Variants in HSD11B1 observed in about 807,000 individuals in gnomAD.
HSD11B1 encodes the protein 11-beta-hydroxysteroid dehydrogenase 1.
HSD11B1 carries 15 observed loss-of-function variants against 22.1 expected under a neutral mutation model. The ratio of observed to expected loss-of-function variants is 0.68; its 90% CI spans 0.45 to 1.04. HSD11B1 has a LOEUF of 1.04. Among genes scored for constraint, HSD11B1 ranks in the 50% least tolerant of loss-of-function variants. HSD11B1 has a pLI of 0.00. For synonymous variants in HSD11B1, 122 were observed against 125.2 expected, an observed-to-expected ratio of 0.97 and a Z score of 0.17; for missense variants, 281 against 357.6, an observed-to-expected ratio of 0.79 and a Z score of 1.73.
intron 4 of HSD11B1, among the ~76,000 whole-genome samples, chr1:209,715,915 A>T (rs1161748021): frequency 6.6e-6 from 1 of 152,212 alleles, no homozygotes; most frequent in Non-Finnish European, 1.5e-5. Context: ...ACAACCAAAA[A>T]CACCACAAAT....
chr1:209,723,839 C>T (rs1220410393), intron 4 of HSD11B1, among the ~76,000 whole-genome samples: 1 of 152,238 alleles, frequency 6.6e-6, no homozygotes, highest in Non-Finnish European at 1.5e-5. Context: ...CTTCTCTTGA[C>T]ATTCAGAACT....
At chr1:209,705,700 C>T (rs1176767433) in intron 1 of HSD11B1, 111 bp from the exon 2 acceptor site, 2 of 1,334,850 alleles carry the variant, frequency 1.5e-6, no homozygotes, top group Non-Finnish European at 2.1e-6. Flanking sequence ...CTGATCTGGG[C>T]TCATAACCTT....
chr1:209,706,729 G>T lies in HSD11B1; in HGVS notation c.240G>T (p.Glu80Asp). 2 of 1,613,804 alleles carry T rather than the reference G, an allele frequency of 1.2e-6. No homozygotes were observed. The highest frequency in any genetic ancestry group is 1.7e-6 in the Non-Finnish European group (2 of 1,179,880). ...TLQKVVSHCL[E>D]LGAASAHYIA... ...TGCAGGTGGTATCCCACTGCCTGGA[G>T]CTTGGAGCAGCCTCAGCACACTACA... Residue 80 changes from glutamate (E) to aspartate (D), a missense_variant, in exon 3 of 6, where the codon GAG becomes GAT. Transcript: ENST00000367027. This position sits in a 1 kb window ranked among gnomAD's most constrained non-coding sequence, Gnocchi z 4.0.
At chr1:209,698,141 G>C (rs1416845690) in intron 1 of HSD11B1, among the ~76,000 whole-genome samples, 1 of 150,948 alleles carries the variant, frequency 6.6e-6, no homozygotes, top group Non-Finnish European at 1.5e-5. Context: ...AGCTTAGATA[G>C]AGGATAGGTA....
intron 4 of HSD11B1, among the ~76,000 whole-genome samples, chr1:209,717,974 A>G (rs1209537106): frequency 6.6e-6 from 1 of 152,172 alleles, no homozygotes; most frequent in Non-Finnish European, 1.5e-5. Context: ...ATTATGCTAA[A>G]TGAAATAAGT....
rs757137949 is a variant in HSD11B1 at position 209,705,975 on chromosome 1, T to C, written c.219+34T>C. On this transcript the variant is annotated intron_variant, in intron 2 of 5. Transcript: ENST00000367027. The stretch of plus-strand genomic sequence containing the variant: ...TCTATGCTCGCAGATATGTGTACCG[T>C]CACATGCTCAGATGTGTTCTTATAT... 14 of 1,612,874 alleles carry C rather than the reference T, an allele frequency of 8.7e-6. No individual in the cohort carries two copies. The South Asian group carries it at 1.1e-4, about 13-fold the overall frequency.
At chr1:209,708,235 T>C (rs1228211949) in intron 4 of HSD11B1, among the ~76,000 whole-genome samples, 1 of 152,230 alleles carries the variant, frequency 6.6e-6, no homozygotes, top group Non-Finnish European at 1.5e-5. Context: ...TAGAAGGATG[T>C]GGCTGGAAAG....
intron 4 of HSD11B1, among the ~76,000 whole-genome samples, chr1:209,727,785 A>G (rs186429283): frequency 3.9e-5 from 6 of 152,314 alleles, no homozygotes; most frequent in African/African-American, 1.4e-4. Context: ...TTCAGAGGTT[A>G]TTGTGTTTGC....
At chr1:209,715,215 T>C (rs184414587) in intron 4 of HSD11B1, among the ~76,000 whole-genome samples, 15 of 152,084 alleles carry the variant, frequency 9.9e-5, no homozygotes, top group Admixed American at 9.2e-4. Context: ...AGGAAGAAAA[T>C]GAGAATGAAT....
chr1:209,731,878 T>C (rs916927810), intron 4 of HSD11B1, among the ~76,000 whole-genome samples: 8 of 152,162 alleles, frequency 5.3e-5, no homozygotes, highest in African/African-American at 1.4e-4. Context: ...AGCTAATGTT[T>C]GTATTTTTAG....
chr1:209,734,727 G>A lies in HSD11B1; in HGVS notation c.*206G>A, dbSNP rs2077056838. On this transcript the variant is annotated 3_prime_UTR_variant, in exon 6 of 6. Coordinates refer to ENST00000367027, the MANE Select transcript of HSD11B1 (RefSeq NM_005525.4). ...TGAATGTCATGCACCGCTGCAGCCA[G>A]CAGTTGTAAAATTGTTAGTAAACAT... is the stretch of plus-strand genomic sequence containing the variant. The A allele has an allele frequency of 9.8e-6, 5 of 510,544 alleles. No individual in the cohort carries two copies. Among genetic ancestry groups the A allele is most frequent in the African/African-American group, 5.7e-5 (3 of 52,250 alleles). 31.6% of individuals were successfully genotyped at this position (510,544 alleles called of 1,614,324 possible).
upstream of HSD11B1, chr1:209,704,767 C>A: frequency 1.7e-6 from 1 of 605,486 alleles, no homozygotes. Flanking sequence ...GGGATCCCAC[C>A]CAAAGCCAAT....
chr1:209,717,761 A>G (rs2076938761), intron 4 of HSD11B1, among the ~76,000 whole-genome samples: 1 of 151,356 alleles, frequency 6.6e-6, no homozygotes, highest in African/African-American at 2.4e-5. Flanking sequence ...GATTATAGCT[A>G]CTTGGGAGGC....
intron 1 of HSD11B1, among the ~76,000 whole-genome samples, chr1:209,692,153 T>A (rs1263127790): frequency 6.6e-6 from 1 of 151,480 alleles, no homozygotes; most frequent in Non-Finnish European, 1.5e-5. Context: ...CCAGTCAGCA[T>A]GTTGATGTCT....
intron 4 of HSD11B1, among the ~76,000 whole-genome samples, chr1:209,729,317 C>A (rs1034355057): frequency 6.6e-6 from 1 of 151,588 alleles, no homozygotes; most frequent in African/African-American, 2.4e-5. Flanking sequence ...CGAGATCATG[C>A]CATTGCACTC....
chr1:209,698,836 G>C (rs191539877), intron 1 of HSD11B1, among the ~76,000 whole-genome samples: 1 of 152,248 alleles, frequency 6.6e-6, no homozygotes, highest in East Asian at 1.9e-4. Flanking sequence ...GTGACCTCGT[G>C]AGGGTCTCTT....
At chr1:209,725,341 C>G (rs1242210227) in intron 4 of HSD11B1, among the ~76,000 whole-genome samples, 2 of 152,172 alleles carry the variant, frequency 1.3e-5, no homozygotes, top group African/African-American at 4.8e-5. Flanking sequence ...CACTGCCTAT[C>G]TAACTCCTGC....
chr1:209,700,384 C>T (rs1406363094), upstream of HSD11B1, among the ~76,000 whole-genome samples: 4 of 152,242 alleles, frequency 2.6e-5, no homozygotes, highest in Admixed American at 2.6e-4. Context: ...GGCTTCCACC[C>T]TCTGAAGCTA....
chr1:209,700,816 T>C (rs2076821945), upstream of HSD11B1, among the ~76,000 whole-genome samples: 1 of 152,172 alleles, frequency 6.6e-6, no homozygotes, highest in African/African-American at 2.4e-5. Context: ...CTAAAAAACC[T>C]CTCTCAAGTT....
Sources: allele counts gnomAD v4.1 joint callset (sites outside exome capture counted in the v4.1 genomes callset), GRCh38; gene constraint gnomAD v4.1.1; non-coding constraint Gnocchi (gnomAD v3.1); transcripts MANE v1.5; gene names NCBI Gene and HGNC (gene_info 2026-07-23, HGNC 2026-07-21).